The following ZNF365 variants were observed in gnomAD, a reference collection of about 807,000 sequenced individuals.
ZNF365 encodes zinc finger protein 365.
Under a neutral mutation model 35.0 loss-of-function variants are expected in ZNF365, and 22 were observed. The ratio of observed to expected loss-of-function variants is 0.63; its 90% CI spans 0.45 to 0.90. The LOEUF is 0.90. Among genes scored for constraint, ZNF365 ranks in the 40% least tolerant of loss-of-function variants. The pLI is 0.00. For missense variants in ZNF365, 448 were observed against 500.3 expected (o/e 0.90, Z 1.00); for synonymous variants, 188 against 196.2 (o/e 0.96, Z 0.35).
At chr10:62,471,970 T>C (rs1225484804) in intron 4 of ZNF365, among the ~76,000 whole-genome samples, 2 of 152,236 alleles carry the variant, frequency 1.3e-5, no homozygotes, top group Admixed American at 6.5e-5. Flanking sequence ...AGCATAAGAA[T>C]GGAAATTGCC....
intron 3 of ZNF365, among the ~76,000 whole-genome samples, chr10:62,444,767 A>C (rs187074134): frequency 9.9e-4 from 150 of 151,898 alleles, no homozygotes; most frequent in Admixed American, 2.6e-3. Flanking sequence ...CAGTTCTTTT[A>C]TTTTATTTTA....
chr10:62,400,856 G>T lies in ZNF365; in HGVS notation c.*1067G>T. On this transcript the variant is annotated 3_prime_UTR_variant, in exon 5 of 5. Coordinates refer to ENST00000395254, the MANE Select transcript of ZNF365 (RefSeq NM_014951.3). ...CAGGTATCTTTCAACCAAGTATCTG[G>T]AGTGTTCACTCTATGTTGCATTCTA... The T allele has an allele frequency of 2.0e-6, 2 of 985,478 alleles. No homozygotes were observed. Among genetic ancestry groups the T allele is most frequent in the Non-Finnish European group, 2.4e-6 (2 of 829,916 alleles). The allele number at this position is 985,478 out of a possible 1,614,324, so 61.0% of individuals were successfully genotyped here.
chr10:62,390,496 A>C (rs4746569), intron 3 of ZNF365, among the ~76,000 whole-genome samples: 75,593 of 152,122 alleles, frequency 0.5, 22,310 homozygotes, highest in East Asian at 0.78. Flanking sequence ...TTGGCTTGAA[A>C]GTTGAACATT....
chr10:62,438,299 G>A (rs978109218), intron 3 of ZNF365, among the ~76,000 whole-genome samples: 8 of 151,066 alleles, frequency 5.3e-5, no homozygotes, highest in African/African-American at 9.7e-5. Flanking sequence ...AGCGATTCTC[G>A]TGCCTCAGCC....
chr10:62,479,465 G>T (rs999128555), intron 4 of ZNF365, among the ~76,000 whole-genome samples: 1 of 152,192 alleles, frequency 6.6e-6, no homozygotes, highest in Non-Finnish European at 1.5e-5. Flanking sequence ...TTCTTAAATA[G>T]AAATCTTGCC....
rs960024657 is a variant in ZNF365 at position 62,429,526 on chromosome 10, G to C, written c.925-30215G>C. Among the ~76,000 whole-genome samples the C allele has an allele frequency of 2.0e-5, 3 of 152,320 alleles. No individual in the cohort carries two copies. In the East Asian group the frequency reaches 5.8e-4, roughly 29 times the overall value. Reference sequence around the variant, plus strand: ...ATAAATGTACTTAACTGTTATGTGAGATTGGGGGCAGGAGGAGTAGACTGT... The same window carrying C: ...ATAAATGTACTTAACTGTTATGTGACATTGGGGGCAGGAGGAGTAGACTGT... On this transcript the variant is annotated intron_variant, in intron 3 of 4. Transcript: ENST00000395255.
At chr10:62,391,686 A>G (rs1839632901) in intron 3 of ZNF365, among the ~76,000 whole-genome samples, 1 of 152,186 alleles carries the variant, frequency 6.6e-6, no homozygotes, top group African/African-American at 2.4e-5. Context: ...TATTTTTTCA[A>G]TTGCAAATTG....
chr10:62,450,654 GAAC>G (rs1840666400), intron 3 of ZNF365, among the ~76,000 whole-genome samples: 1 of 152,106 alleles, frequency 6.6e-6, no homozygotes, highest in African/African-American at 2.4e-5. Flanking sequence ...CAAAGAAACA[GAAC>G]AACCAAGACA....
intron 4 of ZNF365, among the ~76,000 whole-genome samples, chr10:62,465,805 A>G (rs1384588379): frequency 2.6e-5 from 4 of 152,190 alleles, no homozygotes; most frequent in African/African-American, 4.8e-5. Context: ...GAGCTGTAAC[A>G]CGTTCCTGGC....
chr10:62,384,217 A>G (rs1839488643), intron 2 of ZNF365, among the ~76,000 whole-genome samples: 1 of 151,484 alleles, frequency 6.6e-6, no homozygotes, highest in African/African-American at 2.4e-5. Flanking sequence ...ATTGAGTTTC[A>G]CTCAGGTTGG....
In ZNF365 at chr10:62,382,655, G is replaced by A. The variant is rs538816468; in HGVS notation, c.743+5719G>A. 2.6e-5 allele frequency among the ~76,000 whole-genome samples: 4 copies of A among 152,292 alleles called. No individual in the cohort carries two copies. In the South Asian group the frequency reaches 6.2e-4, roughly 24 times the overall value. ...TAAGGGCCAACAAGAGTAGAGATGGGCCATGCCTTAAGACGTGCAGTTGTT... is the reference window on the plus strand; with the variant it reads ...TAAGGGCCAACAAGAGTAGAGATGGACCATGCCTTAAGACGTGCAGTTGTT... On this transcript the variant is annotated intron_variant, in intron 2 of 4. Transcript: ENST00000395254.
chr10:62,433,561 G>A (rs1470138261), intron 3 of ZNF365, among the ~76,000 whole-genome samples: 4 of 152,102 alleles, frequency 2.6e-5, no homozygotes, highest in African/African-American at 4.8e-5. Context: ...CACCTACCTC[G>A]CTGGATTCTT....
At chr10:62,448,393 G>A (rs907477907) in intron 3 of ZNF365, among the ~76,000 whole-genome samples, 7 of 152,184 alleles carry the variant, frequency 4.6e-5, no homozygotes, top group African/African-American at 1.7e-4. Flanking sequence ...TTCAGATTCT[G>A]AAAGCCAGCT....
intron 3 of ZNF365, among the ~76,000 whole-genome samples, chr10:62,450,569 C>A (rs758502275): frequency 3.3e-5 from 5 of 152,170 alleles, no homozygotes; most frequent in Non-Finnish European, 7.3e-5. Context: ...CCAGAAACTC[C>A]AGAGGCATGC....
At position 62,435,159 on chromosome 10, in the gene ZNF365, A is replaced by T. The variant is rs564686735; in HGVS notation, c.925-24582A>T. 2.0e-5 allele frequency among the ~76,000 whole-genome samples: 3 copies of T among 152,280 alleles called. No individual in the cohort carries two copies. In the East Asian group the frequency reaches 5.8e-4, roughly 29 times the overall value. On this transcript the variant is annotated intron_variant, in intron 3 of 4. Transcript: ENST00000395255. The stretch of plus-strand genomic sequence containing the variant: ...ACTAAGAAAGATCTTAGTTTATAGG[A>T]CTTGCTGAGATTTGGGAAGGACTAT...
At chr10:62,432,644 G>A (rs1351065028) in intron 3 of ZNF365, among the ~76,000 whole-genome samples, 1 of 152,092 alleles carries the variant, frequency 6.6e-6, no homozygotes, top group Non-Finnish European at 1.5e-5. Flanking sequence ...ACCATTGTGA[G>A]TATATTAATA....
At chr10:62,419,090 T>C (rs981666854) in intron 3 of ZNF365, among the ~76,000 whole-genome samples, 1 of 152,112 alleles carries the variant, frequency 6.6e-6, no homozygotes, top group Non-Finnish European at 1.5e-5. Flanking sequence ...GTGGTCAATA[T>C]ATCTAATGAA....
chr10:62,477,304 T>C (rs1841148356), intron 4 of ZNF365, among the ~76,000 whole-genome samples: 1 of 152,180 alleles, frequency 6.6e-6, no homozygotes, highest in Non-Finnish European at 1.5e-5. Context: ...TGGTGAAATT[T>C]TGGAACACTA....
intron 3 of ZNF365, among the ~76,000 whole-genome samples, chr10:62,408,552 A>G (rs1457824253): frequency 3.3e-5 from 5 of 152,290 alleles, no homozygotes; most frequent in Middle Eastern, 3.4e-3. Context: ...TAAGATATCC[A>G]TATAAGGTTT....
Sources: gnomAD v4.1 joint callset for allele counts (sites outside exome capture counted in the v4.1 genomes callset) on GRCh38, gnomAD v4.1.1 for gene constraint, MANE v1.5 for transcripts, NCBI Gene and HGNC (gene_info 2026-07-23, HGNC 2026-07-21) for gene names.